IRAG2: variants seen among roughly 807,000 people sequenced by gnomAD.
The protein encoded by IRAG2 is inositol 1,4,5-triphosphate receptor associated 2.
Under a neutral mutation model 69.9 loss-of-function variants are expected in IRAG2, and 45 were observed. The observed-to-expected ratio is 0.64, with a 90% CI of 0.51 to 0.83. IRAG2 has a LOEUF of 0.83. IRAG2 is among the 40% of genes least tolerant of loss of function. IRAG2 has a pLI of 0.00. For synonymous variants in IRAG2, 193 were observed against 202.4 expected, an observed-to-expected ratio of 0.95 and a Z score of 0.40; for missense variants, 520 against 587.0, an observed-to-expected ratio of 0.89 and a Z score of 1.18.
upstream of IRAG2, among the ~76,000 whole-genome samples, chr12:25,047,754 T>C (rs1222754946): frequency 6.6e-6 from 1 of 152,192 alleles, no homozygotes; most frequent in Non-Finnish European, 1.5e-5. Context: ...GGATAACAGC[T>C]TCCAGCTCCA....
In IRAG2 at chr12:25,009,622, G is replaced by A. The variant is rs541878903; in HGVS notation, c.689-1722G>A. Reference sequence around the variant, plus strand: ...AGGAATTGGGTCATGCGATCATGGAGGCGGGCAAGTCCCAAGATCTGCAGG... The same window carrying A: ...AGGAATTGGGTCATGCGATCATGGAAGCGGGCAAGTCCCAAGATCTGCAGG... On this transcript the variant is annotated intron_variant, in intron 2 of 38. Coordinates refer to the IRAG2 transcript ENST00000636465. Among the ~76,000 whole-genome samples the A allele has an allele frequency of 1.1e-4, 16 of 152,306 alleles. No homozygotes were observed. In the South Asian group the frequency reaches 3.3e-3, roughly 32 times the overall value.
At chr12:25,085,531 A>C (rs1947526358) in intron 10 of IRAG2, among the ~76,000 whole-genome samples, 1 of 152,016 alleles carries the variant, frequency 6.6e-6, no homozygotes, top group South Asian at 2.1e-4. Context: ...TGCTCACTTC[A>C]GCTGCTTGTG....
chr12:25,053,885 T>C (rs1945039936), intron 1 of IRAG2, among the ~76,000 whole-genome samples: 1 of 151,928 alleles, frequency 6.6e-6, no homozygotes, highest in African/African-American at 2.4e-5. Context: ...GTACCCTTTC[T>C]ACTATTATCT....
intron 16 of IRAG2, among the ~76,000 whole-genome samples, chr12:25,045,698 A>G (rs1320666685): frequency 6.6e-6 from 1 of 151,990 alleles, no homozygotes; most frequent in Non-Finnish European, 1.5e-5. Flanking sequence ...AAATCTGAAA[A>G]GATCTACAAC....
intron 20 of IRAG2, among the ~76,000 whole-genome samples, chr12:25,106,708 T>C (rs1040778267): frequency 6.8e-6 from 1 of 147,658 alleles, no homozygotes; most frequent in African/African-American, 2.5e-5. Context: ...ACTAACTTTC[T>C]ACACATTTAT....
chr12:25,096,845 C>A, intron 14 of IRAG2, 65 bp from the exon 15 acceptor site: 3 of 1,304,334 alleles, frequency 2.3e-6, no homozygotes, highest in Non-Finnish European at 3.1e-6. Flanking sequence ...GCAACTTAGT[C>A]AGTGTTAGAA....
rs699049 is a variant in IRAG2, at chr12:25,032,661, A to G, written c.1643+292A>G. ...CAAGATCAGGATGCCAGCAGGGTTG[A>G]GTTCTAGTGAGGGCCCTGTACTAAG... On this transcript the variant is annotated intron_variant, in intron 12 of 38. Coordinates refer to the IRAG2 transcript ENST00000636465. Among the ~76,000 whole-genome samples, 960 of 152,252 alleles carry G rather than the reference A, an allele frequency of 6.3e-3. 12 individuals carry two copies. Among genetic ancestry groups the G allele is most frequent in the African/African-American group, 0.021 (893 of 41,538 alleles).
At chr12:25,022,708 T>C (rs1441194648) in intron 7 of IRAG2, among the ~76,000 whole-genome samples, 3 of 152,242 alleles carry the variant, frequency 2.0e-5, no homozygotes, top group Non-Finnish European at 4.4e-5. Flanking sequence ...TTTTAATTGT[T>C]CAAAGTCAAT....
chr12:25,061,030 A>G (rs1013812982), intron 1 of IRAG2, among the ~76,000 whole-genome samples: 3 of 152,170 alleles, frequency 2.0e-5, no homozygotes, highest in East Asian at 1.9e-4. Flanking sequence ...GACAATTCAC[A>G]TGTATCTATC....
intron 9 of IRAG2, among the ~76,000 whole-genome samples, chr12:25,029,456 G>C (rs1016836609): frequency 1.3e-5 from 2 of 152,146 alleles, no homozygotes; most frequent in African/African-American, 4.8e-5. Flanking sequence ...AGATGATGAT[G>C]TGATTATATC....
chr12:25,099,859 G>C, intron 15 of IRAG2, among the ~76,000 whole-genome samples: 1 of 151,740 alleles, frequency 6.6e-6, no homozygotes, highest in East Asian at 1.9e-4. Context: ...AATTAGCCAG[G>C]TGTGGTGGCA....
rs140323694 is a variant in IRAG2, at chr12:25,079,259, C to A, written c.40C>A (p.Arg14Ser). 3.1e-6 allele frequency: 5 copies of A among 1,613,902 alleles called. No individual in the cohort carries two copies. The African/African-American group carries it at 6.7e-5, about 22-fold the overall frequency. Residue 14 changes from arginine (R) to serine (S), a missense_variant, in exon 7 of 22, where the codon CGC (arginine) becomes AGC (serine). By Grantham distance (110) the Arg-to-Ser change is moderately radical. Coordinates refer to ENST00000556887, the MANE Select transcript of IRAG2 (RefSeq NM_001366544.2). ...TTTCCTTAAGGAGAATGGTGTTGAA[C>A]GCGTGTGTCCTGAGAGCCTGCTGCA... ...DPSMEENGVE[R>S]VCPESLLQSR... is the part of the protein sequence containing the mutation.
chr12:25,043,596 TC>T (rs1944768002), intron 16 of IRAG2, among the ~76,000 whole-genome samples: 1 of 152,136 alleles, frequency 6.6e-6, no homozygotes, highest in Non-Finnish European at 1.5e-5. Flanking sequence ...AGAATTGGCT[TC>T]TGTCTTACCT....
At chr12:25,088,373 T>A (rs1947791275) in intron 11 of IRAG2, among the ~76,000 whole-genome samples, 1 of 152,244 alleles carries the variant, frequency 6.6e-6, no homozygotes, top group East Asian at 1.9e-4. Context: ...CTGTAATAAC[T>A]GGTGCTCTAT....
rs1278772977 is a variant in IRAG2, at chr12:25,077,198, A to AATATATATG, written c.25-2038_25-2037insGATATATAT. Among the ~76,000 whole-genome samples the AATATATATG allele has an allele frequency of 3.1e-4, 20 of 63,532 alleles. 1 individual carries two copies. Among genetic ancestry groups the AATATATATG allele is most frequent in the Admixed American group, 4.6e-4 (2 of 4,346 alleles). The allele number at this position is 63,532 out of a possible 152,430, so 41.7% of individuals were successfully genotyped here. A position where few individuals can be genotyped will look rare whatever the true frequency, so the allele number is the denominator to read the frequency against. The stretch of plus-strand genomic sequence containing the variant: ...TCATATATATATGATATATATATGA[A>AATATATATG]ATATATATATGATATATATGAAATA... On this transcript the variant is annotated intron_variant, in intron 6 of 21. Coordinates refer to ENST00000556887, the MANE Select transcript of IRAG2 (RefSeq NM_001366544.2).
chr12:25,077,352 G>GATATATATGAAATATATATATGAT (rs1946867756), intron 6 of IRAG2, among the ~76,000 whole-genome samples: 1 of 24,048 alleles, frequency 4.2e-5, no homozygotes, highest in African/African-American at 1.3e-4. Flanking sequence ...ATATATATAT[G>GATATATATGAAATATATATATGAT]ATATATATGA....
intron 10 of IRAG2, among the ~76,000 whole-genome samples, chr12:25,084,230 A>G (rs917435563): frequency 3.3e-5 from 5 of 152,156 alleles, no homozygotes; most frequent in African/African-American, 7.2e-5. Flanking sequence ...TCTACAAAAT[A>G]TAAAAACAAA....
chr12:25,045,934 C>A (rs1361363565), intron 16 of IRAG2, among the ~76,000 whole-genome samples: 1 of 150,456 alleles, frequency 6.6e-6, no homozygotes, highest in Non-Finnish European at 1.5e-5. Context: ...GATACCAAAG[C>A]TAGGCCAGTA....
At chr12:25,005,366 A>G in intron 2 of IRAG2, 1 of 1,146,332 alleles carries the variant, frequency 8.7e-7, no homozygotes. Context: ...TAAGCTAAAA[A>G]TTATCTGTTT....
Sources: allele counts gnomAD v4.1 joint callset (sites outside exome capture counted in the v4.1 genomes callset), GRCh38; gene constraint gnomAD v4.1.1; transcripts MANE v1.5; gene names NCBI Gene and HGNC (gene_info 2026-07-23, HGNC 2026-07-21).